The following NPR1 variants were observed in gnomAD, a reference collection of about 807,000 sequenced individuals.
NPR1 encodes natriuretic peptide receptor 1, also known as atrial natriuretic peptide receptor 1.
Under a neutral mutation model 116.9 loss-of-function variants are expected in NPR1, and 57 were observed. The ratio of observed to expected loss-of-function variants is 0.49; its 90% CI spans 0.39 to 0.61. The LOEUF (loss-of-function observed/expected upper bound fraction) is 0.61, where lower values mean the gene tolerates loss of function less well. Among genes scored for constraint, NPR1 ranks in the 20% least tolerant of loss-of-function variants. The pLI is 0.00. For synonymous variants in NPR1, 555 were observed against 601.6 expected (o/e 0.92, Z 1.13); for missense variants, 1,096 against 1,409.8 (o/e 0.78, Z 3.56).
Position 153,679,319 on chromosome 1 carries a change from G to A in NPR1, c.211G>A (p.Asp71Asn). The A allele has an allele frequency of 6.5e-7, 1 of 1,533,282 alleles. No individual in the cohort carries two copies. 95.0% of individuals were successfully genotyped at this position (1,533,282 alleles called of 1,614,324 possible). Residue 71 changes from aspartate (D) to asparagine (N), a missense_variant, in exon 1 of 22, where the codon GAC (aspartate) becomes AAC (asparagine). Physicochemically the swap from Asp to Asn is conservative, Grantham distance 23. Coordinates refer to ENST00000368680, the MANE Select transcript of NPR1 (RefSeq NM_000906.4). This position sits in a 1 kb window ranked among gnomAD's most constrained non-coding sequence, Gnocchi z 4.2. ...CCTGGCCCAGGTGAAGGCGCGCCCCGACTTGCTGCCGGGCTGGACGGTCCG... is the reference window on the plus strand; with the variant it reads ...CCTGGCCCAGGTGAAGGCGCGCCCCAACTTGCTGCCGGGCTGGACGGTCCG... Reference protein sequence around the residue: ...LALAQVKARPDLLPGWTVRTV... With the variant: ...LALAQVKARPNLLPGWTVRTV...
At chr1:153,682,837 G>A (rs1005120473) in intron 5 of NPR1, among the ~76,000 whole-genome samples, 11 of 152,202 alleles carry the variant, frequency 7.2e-5, no homozygotes, top group Non-Finnish European at 1.6e-4. Context: ...TGCCCTCGGG[G>A]AGCTCCGAAG....
chr1:153,679,842 C>A lies in NPR1; in HGVS notation c.721+13C>A. The A allele has an allele frequency of 6.5e-7, 1 of 1,535,536 alleles. No individual in the cohort carries two copies. On this transcript the variant is annotated intron_variant, in intron 1 of 21. Transcript: ENST00000368680. This position sits in a 1 kb window ranked among gnomAD's most constrained non-coding sequence, Gnocchi z 4.2. ...CGCAAAGGCCGAGGTGAGACGCTGG[C>A]ACACCCCGTCCCGCCGCTTAGCCGC...
At chr1:153,682,362 T>G in intron 4 of NPR1, 136 bp from the exon 5 acceptor site, 17 of 671,542 alleles carry the variant, frequency 2.5e-5, no homozygotes, top group East Asian at 2.8e-5. Flanking sequence ...GCCCGGCCGT[T>G]TTACCATTTA....
At position 153,687,595 on chromosome 1, in the gene NPR1, G is replaced by A. The variant is rs1308028024; in HGVS notation, c.2093-39G>A. 4 of 1,545,472 alleles carry A rather than the reference G, an allele frequency of 2.6e-6. No individual in the cohort carries two copies. In the South Asian group the frequency reaches 4.9e-5, roughly 19 times the overall value. Reference sequence around the variant, plus strand: ...GTTTCCCCCTCACCCCTTAGCTTTGGGCTCCCTCACTCGGTGACTACCGAC... The same window carrying A: ...GTTTCCCCCTCACCCCTTAGCTTTGAGCTCCCTCACTCGGTGACTACCGAC... On this transcript the variant is annotated intron_variant, in intron 13 of 21. Coordinates refer to ENST00000368680, the MANE Select transcript of NPR1 (RefSeq NM_000906.4).
chr1:153,681,905 GC>G, intron 4 of NPR1, 66 bp downstream of exon 4: 1 of 1,578,052 alleles, frequency 6.3e-7, no homozygotes, highest in Non-Finnish European at 8.6e-7. Flanking sequence ...CCAGTGTCAA[GC>G]CATGAGAAGC....
In NPR1 at chr1:153,687,702, G is replaced by T; in HGVS notation, c.2161G>T (p.Asp721Tyr). ...SPPVRGSQAG[D>Y]VYSFGIILQE... ...CCCTGTGCGGGGCTCCCAGGCTGGT[G>T]ACGTATACAGCTTTGGGATCATCCT... Residue 721 changes from aspartate (D) to tyrosine (Y), a missense_variant, in exon 14 of 22, where the codon GAC (aspartate) becomes TAC (tyrosine). Coordinates refer to ENST00000368680, the MANE Select transcript of NPR1 (RefSeq NM_000906.4). The T allele has an allele frequency of 6.2e-7, 1 of 1,608,126 alleles. No homozygotes were observed. The highest frequency in any genetic ancestry group is 1.1e-5 in the South Asian group (1 of 90,930).
chr1:153,679,485 G>C lies in NPR1; in HGVS notation c.377G>C (p.Gly126Ala), dbSNP rs1669698941. The C allele has an allele frequency of 1.3e-6, 2 of 1,539,668 alleles. No individual in the cohort carries two copies. Among genetic ancestry groups the C allele is most frequent in the South Asian group, 1.2e-5 (1 of 84,310 alleles). ...PGCVYAAAPV[G>A]RFTAHWRVPL... The stretch of plus-strand genomic sequence containing the variant: ...TGCGTGTACGCCGCCGCCCCAGTGG[G>C]GCGCTTCACCGCGCACTGGCGGGTC... The change falls in exon 1 of 22, where the codon GGG becomes GCG. Residue 126 changes from glycine (G) to alanine (A), a missense_variant. Physicochemically the swap from Gly to Ala is moderately conservative, Grantham distance 60. Transcript: ENST00000368680. This position sits in a 1 kb window ranked among gnomAD's most constrained non-coding sequence, Gnocchi z 4.2.
At chr1:153,693,009 A>C in intron 20 of NPR1, 97 bp from the exon 21 acceptor site, 1 of 988,874 alleles carries the variant, frequency 1.0e-6, no homozygotes, top group Non-Finnish European at 1.6e-6. Flanking sequence ...GTACCTGTCC[A>C]CCTGTCCACC....
intron 10 of NPR1, 42 bp downstream of exon 10, chr1:153,686,242 C>T (rs764950556): frequency 1.3e-5 from 20 of 1,579,598 alleles, no homozygotes; most frequent in South Asian, 1.2e-4. Flanking sequence ...AAGGGGCCCT[C>T]GGGGACGCAA....
chr1:153,681,356 C>A, intron 3 of NPR1, 63 bp downstream of exon 3: 1 of 919,712 alleles, frequency 1.1e-6, no homozygotes, highest in Non-Finnish European at 1.8e-6. Context: ...GACCCTCTGC[C>A]AGCCTCCATC....
intron 7 of NPR1, among the ~76,000 whole-genome samples, 163 bp downstream of exon 7, chr1:153,683,987 A>G (rs1236949033): frequency 6.6e-6 from 1 of 152,122 alleles, no homozygotes; most frequent in African/African-American, 2.4e-5. Flanking sequence ...GAGGAGAAAG[A>G]AAGAGAAGGG....
chr1:153,679,581 C>A lies in NPR1; in HGVS notation c.473C>A (p.Ala158Glu). 1 of 1,567,204 alleles carries A rather than the reference C, an allele frequency of 6.4e-7. No homozygotes were observed. The highest frequency in any genetic ancestry group is 8.6e-7 in the Non-Finnish European group (1 of 1,161,050). The change falls in exon 1 of 22, where the codon GCG becomes GAG. Residue 158 changes from alanine to glutamate, a missense_variant. By Grantham distance (107) the Ala-to-Glu change is moderately radical. Coordinates refer to ENST00000368680, the MANE Select transcript of NPR1 (RefSeq NM_000906.4). This position sits in a 1 kb window ranked among gnomAD's most constrained non-coding sequence, Gnocchi z 4.2. Reference protein sequence around the residue: ...VKDEYALTTRAGPSYAKLGDF... With the variant: ...VKDEYALTTREGPSYAKLGDF... ...GACGAGTATGCGCTGACCACCCGCG[C>A]GGGGCCCAGCTACGCCAAGCTGGGG...
At chr1:153,685,952 G>T (rs2101734312) in intron 9 of NPR1, 72 bp downstream of exon 9, 12 of 1,487,696 alleles carry the variant, frequency 8.1e-6, no homozygotes, top group East Asian at 2.3e-5. Flanking sequence ...ACTGGTGGGG[G>T]GTTCTGAGGG....
At position 153,687,089 on chromosome 1, in the gene NPR1, T is replaced by C. The variant is rs745737436; in HGVS notation, c.1935+2T>C. ...TCACTCACCAATGACATCGTCAAGG[T>C]ATGCCCCTAAGCACCTATTGGATGT... On this transcript the variant is annotated splice_donor_variant, in intron 12 of 21. Transcript: ENST00000368680. LOFTEE classifies it high-confidence loss of function. 1 of 1,614,100 alleles carries C rather than the reference T, an allele frequency of 6.2e-7. No individual in the cohort carries two copies. Among genetic ancestry groups the C allele is most frequent in the Non-Finnish European group, 8.5e-7 (1 of 1,179,972 alleles).
rs1185996391 is a variant in NPR1, at chr1:153,679,832, G to T, written c.721+3G>T. On this transcript the variant is annotated splice_donor_region_variant and intron_variant, in intron 1 of 21. Coordinates refer to ENST00000368680, the MANE Select transcript of NPR1 (RefSeq NM_000906.4). This position sits in a 1 kb window ranked among gnomAD's most constrained non-coding sequence, Gnocchi z 4.2. ...GACCATGCCGCGCAAAGGCCGAGGT[G>T]AGACGCTGGCACACCCCGTCCCGCC... 1.3e-6 allele frequency: 2 copies of T among 1,538,288 alleles called. No individual in the cohort carries two copies. Among genetic ancestry groups the T allele is most frequent in the Admixed American group, 3.9e-5 (2 of 50,714 alleles).
At chr1:153,685,134 C>T (rs745438652) in intron 8 of NPR1, 50 bp downstream of exon 8, 5 of 1,602,998 alleles carry the variant, frequency 3.1e-6, no homozygotes, top group Non-Finnish European at 2.6e-6. Context: ...GAGGTGGGTA[C>T]AAGGGGCAGT....
chr1:153,680,574 G>T lies in NPR1; in HGVS notation c.795G>T (p.Gly265=). ...MLLALEAGLC[G]EDYVFFHLDI... ...TGGCCCTGGAAGCTGGCTTGTGTGG[G>T]GAGGACTACGTTTTCTTCCACCTGG... The change falls in exon 2 of 22, where the codon GGG becomes GGT. Residue 265 remains glycine (G), a synonymous_variant. Coordinates refer to ENST00000368680, the MANE Select transcript of NPR1 (RefSeq NM_000906.4). 6.2e-7 allele frequency: 1 copy of T among 1,614,160 alleles called. No individual in the cohort carries two copies. Among genetic ancestry groups the T allele is most frequent in the Non-Finnish European group, 8.5e-7 (1 of 1,180,020 alleles).
chr1:153,689,558 A>T lies in NPR1; in HGVS notation c.2757+37A>T. 3 of 1,588,498 alleles carry T rather than the reference A, an allele frequency of 1.9e-6. No homozygotes were observed. The highest frequency in any genetic ancestry group is 2.6e-6 in the Non-Finnish European group (3 of 1,156,854). ...AGTGGGGATGGGAAGGGACAGACAG[A>T]CATGGACAAGGTCAGAAAAAGATGA... is the stretch of plus-strand genomic sequence containing the variant. On this transcript the variant is annotated intron_variant, in intron 18 of 21. Coordinates refer to ENST00000368680, the MANE Select transcript of NPR1 (RefSeq NM_000906.4). This position sits in a 1 kb window ranked among gnomAD's most constrained non-coding sequence, Gnocchi z 5.1.
chr1:153,693,479 C>A lies in NPR1; in HGVS notation c.*65C>A. ...TGCCAGAAGCAACAGAGGTGCCAGG[C>A]CTCAGCCTCACCCACAGCAGCCCCA... On this transcript the variant is annotated 3_prime_UTR_variant, in exon 22 of 22. Coordinates refer to ENST00000368680, the MANE Select transcript of NPR1 (RefSeq NM_000906.4). The A allele has an allele frequency of 7.0e-7, 1 of 1,427,228 alleles. No individual in the cohort carries two copies. Among genetic ancestry groups the A allele is most frequent in the Non-Finnish European group, 9.6e-7 (1 of 1,041,698 alleles). 88.4% of individuals were successfully genotyped at this position (1,427,228 alleles called of 1,614,324 possible). A position where few individuals can be genotyped will look rare whatever the true frequency, so the allele number is the denominator to read the frequency against.
Sources: allele counts gnomAD v4.1 joint callset (sites outside exome capture counted in the v4.1 genomes callset), GRCh38; gene constraint gnomAD v4.1.1; non-coding constraint Gnocchi (gnomAD v3.1); transcripts MANE v1.5; gene names NCBI Gene and HGNC (gene_info 2026-07-23, HGNC 2026-07-21).